SOX5: variants seen among roughly 807,000 people sequenced by gnomAD.
SOX5 encodes SRY-box transcription factor 5, also known as transcription factor SOX-5.
SOX5 carries 9 observed loss-of-function variants against 92.0 expected under a neutral mutation model. The observed-to-expected ratio is 0.10, with a 90% CI of 0.06 to 0.17. The LOEUF (loss-of-function observed/expected upper bound fraction) is 0.17. SOX5 is among the 10% of genes least tolerant of loss of function. The probability of loss-of-function intolerance (pLI) is 1.00; values close to 1 mark genes in which losing one functional copy is unlikely to be tolerated. For missense variants in SOX5, 642 were observed against 944.5 expected (o/e 0.68, Z 4.20); for synonymous variants, 344 against 336.3 (o/e 1.02, Z -0.25).
chr12:23,569,867 A>G (rs1218580733), intron 10 of SOX5, among the ~76,000 whole-genome samples: 2 of 152,178 alleles, frequency 1.3e-5, no homozygotes, highest in Non-Finnish European at 2.9e-5. Flanking sequence ...TTAGTGTCCT[A>G]TTGTCTTGCA....
At chr12:23,558,289 T>G (rs1945590398) in intron 11 of SOX5, among the ~76,000 whole-genome samples, 2 of 152,204 alleles carry the variant, frequency 1.3e-5, no homozygotes, top group Non-Finnish European at 2.9e-5. Flanking sequence ...TCTTTTCCTT[T>G]GGCCAGTAAT....
At chr12:24,003,626 C>T (rs969370661) in intron 4 of SOX5, among the ~76,000 whole-genome samples, 1 of 151,868 alleles carries the variant, frequency 6.6e-6, no homozygotes, top group African/African-American at 2.4e-5. Flanking sequence ...CTGAAAACTA[C>T]CAAATCACTG....
At chr12:24,021,508 C>CTCAGGACCA in intron 4 of SOX5, among the ~76,000 whole-genome samples, 1 of 152,248 alleles carries the variant, frequency 6.6e-6, no homozygotes, top group South Asian at 2.1e-4. Context: ...ATGGTAAACT[C>CTCAGGACCA]TCAGGACCAT....
In SOX5 at chr12:23,807,807, C is replaced by T. The variant is rs139779324; in HGVS notation, c.481+38176G>A. On this transcript the variant is annotated intron_variant, in intron 3 of 14. Transcript: ENST00000451604. The stretch of plus-strand genomic sequence containing the variant: ...GGATTACAGGTGCCCACCACCATGC[C>T]CGGCTAATTTTTGTATTTTTAGTAG... 9.2e-3 allele frequency among the ~76,000 whole-genome samples: 1,401 copies of T among 151,944 alleles called. 26 individuals carry two copies. Among genetic ancestry groups the T allele is most frequent in the African/African-American group, 0.032 (1,330 of 41,446 alleles).
chr12:23,747,400 T>C (rs2094024037), intron 4 of SOX5, among the ~76,000 whole-genome samples: 2 of 152,174 alleles, frequency 1.3e-5, no homozygotes, highest in African/African-American at 4.8e-5. Context: ...AGTCATGCCA[T>C]ATGGCTGTAT....
At chr12:23,949,129 G>A (rs968313870) in intron 1 of SOX5, among the ~76,000 whole-genome samples, 5 of 152,078 alleles carry the variant, frequency 3.3e-5, no homozygotes, top group Admixed American at 3.3e-4. Context: ...TATAGCCTCC[G>A]TTTAAAGCAC....
chr12:24,095,420 C>CTTATTTAT (rs146858914), intron 4 of SOX5, among the ~76,000 whole-genome samples: 9,449 of 140,168 alleles, frequency 0.067, 392 homozygotes, highest in African/African-American at 0.11. Flanking sequence ...TGCCCTCTCC[C>CTTATTTAT]TTATTTATTT....
intron 9 of SOX5, among the ~76,000 whole-genome samples, chr12:23,579,905 C>T (rs561120723): frequency 3.3e-5 from 5 of 152,058 alleles, no homozygotes; most frequent in African/African-American, 1.2e-4. Flanking sequence ...TAATTACTTG[C>T]CTAATTGTTA....
At chr12:24,445,100 AACAG>A (rs542256862) in intron 1 of SOX5, among the ~76,000 whole-genome samples, 63 of 152,316 alleles carry the variant, frequency 4.1e-4, no homozygotes, top group African/African-American at 1.3e-3. Context: ...TCCCCATTGT[AACAG>A]ACAGACAGTC....
chr12:24,097,281 T>C (rs1191908830), intron 4 of SOX5, among the ~76,000 whole-genome samples: 1 of 152,192 alleles, frequency 6.6e-6, no homozygotes, highest in Non-Finnish European at 1.5e-5. Flanking sequence ...GTAGACTTAT[T>C]ATATACAATT....
intron 1 of SOX5, among the ~76,000 whole-genome samples, chr12:24,415,507 C>T (rs1302018134): frequency 6.6e-6 from 1 of 152,124 alleles, no homozygotes; most frequent in Non-Finnish European, 1.5e-5. Context: ...CCCTAAATCC[C>T]AAATTAGTCC....
intron 4 of SOX5, among the ~76,000 whole-genome samples, chr12:24,050,054 C>A: frequency 9.3e-6 from 1 of 106,994 alleles, no homozygotes; most frequent in Non-Finnish European, 1.7e-5. Context: ...TATTTTCTTT[C>A]AATGCTTTCA....
chr12:23,941,071 A>C (rs1007912129), intron 1 of SOX5, among the ~76,000 whole-genome samples: 3 of 151,554 alleles, frequency 2.0e-5, no homozygotes, highest in Admixed American at 2.0e-4. Context: ...CTTCCTTTCA[A>C]GATTTTTTGA....
At chr12:24,008,909 A>G (rs948296101) in intron 4 of SOX5, among the ~76,000 whole-genome samples, 3 of 152,192 alleles carry the variant, frequency 2.0e-5, no homozygotes, top group African/African-American at 7.2e-5. Context: ...ATGATGCTGC[A>G]TGACTTCCAA....
intron 4 of SOX5, among the ~76,000 whole-genome samples, chr12:24,201,593 C>T (rs1426975158): frequency 6.6e-6 from 1 of 152,172 alleles, no homozygotes; most frequent in Non-Finnish European, 1.5e-5. Flanking sequence ...AAAACTTTAA[C>T]ATCAATGTGT....
At chr12:23,640,085 C>A (rs1040790405) in intron 8 of SOX5, among the ~76,000 whole-genome samples, 1 of 151,990 alleles carries the variant, frequency 6.6e-6, no homozygotes, top group Non-Finnish European at 1.5e-5. Context: ...AGGTCCATAC[C>A]GATAGAAACT....
At chr12:23,703,327 A>C (rs1039390843) in intron 6 of SOX5, among the ~76,000 whole-genome samples, 1 of 152,036 alleles carries the variant, frequency 6.6e-6, no homozygotes, top group Non-Finnish European at 1.5e-5. Context: ...TTGCTCCCTG[A>C]GCTAGAATCT....
intron 6 of SOX5, among the ~76,000 whole-genome samples, chr12:23,716,291 GAA>G (rs913498888): frequency 1.1e-4 from 17 of 151,946 alleles, no homozygotes; most frequent in African/African-American, 4.1e-4. Context: ...CAGAGGAAAA[GAA>G]AAAAAGAGAA....
chr12:24,242,826 T>C (rs1440018289), intron 3 of SOX5, among the ~76,000 whole-genome samples: 1 of 151,828 alleles, frequency 6.6e-6, no homozygotes, highest in Middle Eastern at 3.2e-3. Context: ...ATTTTAACTG[T>C]GCAAGATTTT....
Sources: gnomAD v4.1 joint callset for allele counts (sites outside exome capture counted in the v4.1 genomes callset) on GRCh38, gnomAD v4.1.1 for gene constraint, MANE v1.5 for transcripts, NCBI Gene and HGNC (gene_info 2026-07-23, HGNC 2026-07-21) for gene names.